ADGRE5: variants seen among roughly 807,000 people sequenced by gnomAD.
ADGRE5 encodes the protein CD97 molecule.
Under a neutral mutation model 100.3 loss-of-function variants are expected in ADGRE5, and 72 were observed. The observed-to-expected ratio is 0.72, with a 90% confidence interval of 0.59 to 0.87. The LOEUF is 0.87. ADGRE5 is among the 40% of genes least tolerant of loss of function. The probability of loss-of-function intolerance (pLI) is 0.00; values close to 1 mark genes in which losing one functional copy is unlikely to be tolerated. For synonymous variants in ADGRE5, 439 were observed against 447.8 expected (o/e 0.98, Z 0.25); for missense variants, 959 against 1,094.7 (o/e 0.88, Z 1.75).
Position 14,388,688 on chromosome 19 carries a change from C to G in ADGRE5, c.74-14C>G, listed in dbSNP as rs1434618571. The stretch of plus-strand genomic sequence containing the variant: ...TTACCCCTCACCTTCTGACCGTGCT[C>G]CCTGCTCTTGCAGGCTGTGCCCGGT... On this transcript the variant is annotated splice_polypyrimidine_tract_variant and intron_variant, in intron 2 of 19. Transcript: ENST00000242786. 6.2e-7 allele frequency: 1 copy of G among 1,612,578 alleles called. No homozygotes were observed. Among genetic ancestry groups the G allele is most frequent in the African/African-American group, 1.3e-5 (1 of 74,884 alleles).
intron 1 of ADGRE5, chr19:14,386,364 G>A (rs1446860872): frequency 1.7e-5 from 2 of 115,748 alleles, no homozygotes; most frequent in Admixed American, 1.1e-4. Context: ...GGGCAACAGA[G>A]CAAGACTCCA....
In ADGRE5 at chr19:14,406,200, C is replaced by T. The variant is rs1599634828; in HGVS notation, c.1822-131C>T. 7.6e-6 allele frequency: 6 copies of T among 794,116 alleles called. 1 individual carries two copies. The South Asian group carries it at 1.1e-4, about 15-fold the overall frequency. The allele number at this position is 794,116 out of a possible 1,614,324, so 49.2% of individuals were successfully genotyped here. On this transcript the variant is annotated intron_variant, in intron 14 of 19. Coordinates refer to ENST00000242786, the MANE Select transcript of ADGRE5 (RefSeq NM_078481.4). This position sits in a 1 kb window ranked among gnomAD's most constrained non-coding sequence, Gnocchi z 6.0. The stretch of plus-strand genomic sequence containing the variant: ...GGTGGGCCCTGGGGGGAAACCTGGC[C>T]CCCGCTCCAGACCCGCCCACCCTCC...
At position 14,408,096 on chromosome 19, in the gene ADGRE5, T is replaced by A; in HGVS notation, c.2483T>A (p.Leu828His). Residue 828 changes from leucine to histidine, a missense_variant, in exon 20 of 20, where the codon CTC (leucine) becomes CAC (histidine). Coordinates refer to ENST00000242786, the MANE Select transcript of ADGRE5 (RefSeq NM_078481.4). The stretch of plus-strand genomic sequence containing the variant: ...CCTCTGGGCTCTCCTCTCCAGGCCC[T>A]CAGGGCATCAGAGTCCGGCATATGA... ...SGTGHNQTRA[L>H]RASESGI 6.2e-7 allele frequency: 1 copy of A among 1,613,770 alleles called. No individual in the cohort carries two copies. The highest frequency in any genetic ancestry group is 1.7e-5 in the Admixed American group (1 of 60,006).
intron 9 of ADGRE5, chr19:14,398,405 C>T: frequency 9.0e-6 from 4 of 444,624 alleles, no homozygotes; most frequent in Non-Finnish European, 1.7e-5. Context: ...CACGGTGGCT[C>T]ACGCCTGTAA....
chr19:14,393,402 A>G (rs554458213), intron 4 of ADGRE5, among the ~76,000 whole-genome samples: 9 of 152,234 alleles, frequency 5.9e-5, no homozygotes, highest in Non-Finnish European at 1.3e-4. Flanking sequence ...TTGAGGCCAC[A>G]GCTCAGGCCG....
Position 14,407,900 on chromosome 19 carries a change from G to A in ADGRE5, c.2377-8G>A, listed in dbSNP as rs1375824819. Reference sequence around the variant, plus strand: ...GCTCCTGCCCTGACTTGGTGTCTGGGCCGGCAGGTTCGGGAAGAATACCGG... The same window carrying A: ...GCTCCTGCCCTGACTTGGTGTCTGGACCGGCAGGTTCGGGAAGAATACCGG... On this transcript the variant is annotated splice_region_variant and splice_polypyrimidine_tract_variant and intron_variant, in intron 18 of 19. Coordinates refer to ENST00000242786, the MANE Select transcript of ADGRE5 (RefSeq NM_078481.4). 1 of 1,613,548 alleles carries A rather than the reference G, an allele frequency of 6.2e-7. No individual in the cohort carries two copies. The highest frequency in any genetic ancestry group is 2.2e-5 in the East Asian group (1 of 44,876).
In ADGRE5 at chr19:14,406,769, A is replaced by G; in HGVS notation, c.2115+3A>G. On this transcript the variant is annotated splice_donor_region_variant and intron_variant, in intron 16 of 19. Coordinates refer to ENST00000242786, the MANE Select transcript of ADGRE5 (RefSeq NM_078481.4). This position sits in a 1 kb window ranked among gnomAD's most constrained non-coding sequence, Gnocchi z 6.0. ...GACCTGTGACCTTCATCATTTTGGT[A>G]AGTACCCACTCTCCCTCCACCGAAG... The G allele has an allele frequency of 1.2e-6, 2 of 1,613,904 alleles. No individual in the cohort carries two copies. The highest frequency in any genetic ancestry group is 2.2e-5 in the South Asian group (2 of 91,070).
Position 14,401,392 on chromosome 19 carries a change from A to G in ADGRE5, c.904A>G (p.Ile302Val). ...GTCACCCGCCACCCCCTAGAATGTCATCAAATTGGTGGATGAACTGATGGA... is the reference window on the plus strand; with the variant it reads ...GTCACCCGCCACCCCCTAGAATGTCGTCAAATTGGTGGATGAACTGATGGA... ...SSAEVTIQNV[I>V]KLVDELMEAP... Residue 302 changes from isoleucine (I) to valine (V), a missense_variant, in exon 10 of 20, where the codon ATC becomes GTC. By Grantham distance (29) the Ile-to-Val change is conservative. This residue lies in a region of ADGRE5 where 69 missense variants were observed against 135.0 expected (regional missense o/e 0.51). Transcript: ENST00000242786. This position sits in a 1 kb window ranked among gnomAD's most constrained non-coding sequence, Gnocchi z 4.1. 2 of 1,613,888 alleles carry G rather than the reference A, an allele frequency of 1.2e-6. No homozygotes were observed. Among genetic ancestry groups the G allele is most frequent in the Non-Finnish European group, 1.7e-6 (2 of 1,179,924 alleles).
At position 14,408,560 on chromosome 19, in the gene ADGRE5, G is replaced by A; in HGVS notation, c.*439G>A. On this transcript the variant is annotated 3_prime_UTR_variant, in exon 20 of 20. Coordinates refer to ENST00000242786, the MANE Select transcript of ADGRE5 (RefSeq NM_078481.4). ...ACTGATGTCAGAGGCCCCATGGCGA[G>A]GCCCCTTGGGGCCACTGCCTGAGGC... 1 of 428,842 alleles carries A rather than the reference G, an allele frequency of 2.3e-6. No homozygotes were observed. The highest frequency in any genetic ancestry group is 4.2e-6 in the Non-Finnish European group (1 of 239,188). 26.6% of individuals were successfully genotyped at this position (428,842 alleles called of 1,614,324 possible). A position where few individuals can be genotyped will look rare whatever the true frequency, so the allele number is the denominator to read the frequency against.
At position 14,403,727 on chromosome 19, in the gene ADGRE5, C is replaced by T. The variant is rs1976103608; in HGVS notation, c.1450-656C>T. ...ACAGCTGGTCTCAAACTCCTGGCCT[C>T]AAGCGATCCTCCCACCTTGGCCTCC... On this transcript the variant is annotated intron_variant, in intron 12 of 19. Transcript: ENST00000242786. Among the ~76,000 whole-genome samples, 3 of 152,062 alleles carry T rather than the reference C, an allele frequency of 2.0e-5. No homozygotes were observed. The South Asian group carries it at 6.2e-4, about 32-fold the overall frequency.
chr19:14,402,003 T>A (rs546271331), intron 11 of ADGRE5, among the ~76,000 whole-genome samples: 1 of 152,152 alleles, frequency 6.6e-6, no homozygotes, highest in South Asian at 2.1e-4. Context: ...TGGTGGCACG[T>A]GCCTGTAGTC....
intron 9 of ADGRE5, among the ~76,000 whole-genome samples, chr19:14,398,618 T>C (rs1975880578): frequency 7.3e-6 from 1 of 137,212 alleles, no homozygotes; most frequent in East Asian, 2.1e-4. Flanking sequence ...GAGCTTGCAG[T>C]GAGCCGAGGT....
In ADGRE5 at chr19:14,405,898, TCCA is replaced by T; in HGVS notation, c.1784_1786del (p.Thr595del). 1 of 1,611,206 alleles carries T rather than the reference TCCA, an allele frequency of 6.2e-7. No homozygotes were observed. Among genetic ancestry groups the T allele is most frequent in the Non-Finnish European group, 8.5e-7 (1 of 1,179,960 alleles). ...CCTCTGCATCTGCCTCTTCGTGGGC[TCCA>T]CCATCTTCCTGGCCGGCATCGAGAA... is the stretch of plus-strand genomic sequence containing the variant. On this transcript the variant is annotated inframe_deletion, in exon 14 of 20. Transcript: ENST00000242786.
rs182764319 is a variant in ADGRE5, at chr19:14,391,040, G to A, written c.307G>A (p.Ala103Thr). The change falls in exon 4 of 20, where the codon GCA (alanine) becomes ACA (threonine). Residue 103 changes from alanine to threonine, a missense_variant. Coordinates refer to ENST00000242786, the MANE Select transcript of ADGRE5 (RefSeq NM_078481.4). Reference protein sequence around the residue: ...CSPGYEPVSGAKTFKNESENT... With the variant: ...CSPGYEPVSGTKTFKNESENT... ...CCCGGGATATGAGCCTGTTTCTGGG[G>A]CAAAAACATTCAAGAATGAGAGCGA... is the stretch of plus-strand genomic sequence containing the variant. The A allele has an allele frequency of 6.2e-7, 1 of 1,614,182 alleles. No homozygotes were observed. The highest frequency in any genetic ancestry group is 1.3e-5 in the African/African-American group (1 of 75,040).
chr19:14,384,501 C>T (rs1388688682), intron 1 of ADGRE5, among the ~76,000 whole-genome samples: 2 of 152,158 alleles, frequency 1.3e-5, no homozygotes, highest in Admixed American at 6.6e-5. Flanking sequence ...CTCTGCCCGA[C>T]ACCCCCCTTC....
intron 18 of ADGRE5, 127 bp downstream of exon 18, chr19:14,407,356 A>C (rs530825368): frequency 2.7e-5 from 30 of 1,117,252 alleles, no homozygotes; most frequent in Non-Finnish European, 3.8e-5. Flanking sequence ...TGCTGTCTTT[A>C]CAAAAAAATT....
At chr19:14,397,454 A>T in intron 6 of ADGRE5, 1 of 617,462 alleles carries the variant, frequency 1.6e-6, no homozygotes, top group Non-Finnish European at 2.9e-6. Flanking sequence ...ACTCACTGGG[A>T]GGAAGGCGTT....
intron 9 of ADGRE5, among the ~76,000 whole-genome samples, chr19:14,400,592 G>T (rs1318092123): frequency 6.6e-6 from 1 of 152,054 alleles, no homozygotes; most frequent in Non-Finnish European, 1.5e-5. Flanking sequence ...AGGAGTTCAA[G>T]ACCAGCCTGG....
chr19:14,408,656 T>C lies in ADGRE5; in HGVS notation c.*535T>C. 1 of 508,468 alleles carries C rather than the reference T, an allele frequency of 2.0e-6. No individual in the cohort carries two copies. The highest frequency in any genetic ancestry group is 3.1e-5 in the East Asian group (1 of 31,802). The allele number at this position is 508,468 out of a possible 1,614,324, so 31.5% of individuals were successfully genotyped here. A position where few individuals can be genotyped will look rare whatever the true frequency, so the allele number is the denominator to read the frequency against. ...ACTGTTGTGAAGGTTGTAGACGTTG[T>C]GTAATGTGTTTTTATCTGTTAAAAT... On this transcript the variant is annotated 3_prime_UTR_variant, in exon 20 of 20. Transcript: ENST00000242786.
Sources: allele counts gnomAD v4.1 joint callset (sites outside exome capture counted in the v4.1 genomes callset), GRCh38; gene constraint gnomAD v4.1.1; regional missense constraint gnomAD v4.1.1; non-coding constraint Gnocchi (gnomAD v3.1); transcripts MANE v1.5; gene names NCBI Gene and HGNC (gene_info 2026-07-23, HGNC 2026-07-21).